ITK: variants seen among roughly 807,000 people sequenced by gnomAD.
The protein encoded by ITK is IL2 inducible T cell kinase.
In ITK, 45 loss-of-function variants were observed where a neutral mutation model predicts 87.6. That is an observed-to-expected ratio of 0.51 (90% CI 0.40 to 0.66). ITK has a LOEUF of 0.66. Among genes scored for constraint, ITK ranks in the 30% least tolerant of loss-of-function variants. The probability of loss-of-function intolerance (pLI) is 0.00; values close to 1 mark genes in which losing one functional copy is unlikely to be tolerated. For missense variants in ITK, 605 were observed against 766.3 expected, an observed-to-expected ratio of 0.79 and a Z score of 2.48; for synonymous variants, 303 against 273.6, an observed-to-expected ratio of 1.11 and a Z score of -1.06.
At chr5:157,232,230 G>C in intron 7 of ITK, 110 bp from the exon 8 acceptor site, 1 of 771,822 alleles carries the variant, frequency 1.3e-6, no homozygotes, top group South Asian at 1.6e-5. Flanking sequence ...TTTTTTTAAA[G>C]CACTGGTAGA....
chr5:157,232,752 G>A (rs1044144224), intron 8 of ITK, among the ~76,000 whole-genome samples: 2 of 152,212 alleles, frequency 1.3e-5, no homozygotes, highest in African/African-American at 4.8e-5. Flanking sequence ...GGAATTTACA[G>A]GACTAGCAAA....
At chr5:157,220,153 C>G (rs1284352051) in intron 5 of ITK, among the ~76,000 whole-genome samples, 4 of 152,172 alleles carry the variant, frequency 2.6e-5, no homozygotes, top group African/African-American at 9.7e-5. Flanking sequence ...GTCTCATGCT[C>G]TATGTGAGAA....
chr5:157,201,926 A>T (rs150882310), intron 1 of ITK, among the ~76,000 whole-genome samples: 2 of 152,122 alleles, frequency 1.3e-5, no homozygotes, highest in Non-Finnish European at 2.9e-5. Context: ...TGGTGTACAG[A>T]TTATTTCATC....
At chr5:157,250,272 A>G (rs1755115090) in intron 16 of ITK, among the ~76,000 whole-genome samples, 1 of 152,194 alleles carries the variant, frequency 6.6e-6, no homozygotes, top group Non-Finnish European at 1.5e-5. Flanking sequence ...CACTGTCTTC[A>G]TAGTTTTGCC....
chr5:157,224,936 T>C (rs1370352447), intron 6 of ITK, among the ~76,000 whole-genome samples: 1 of 152,164 alleles, frequency 6.6e-6, no homozygotes, highest in East Asian at 1.9e-4. Flanking sequence ...TGTATTCATG[T>C]ATCTTGGCCA....
chr5:157,225,252 C>A (rs1030767420), intron 6 of ITK, among the ~76,000 whole-genome samples: 7 of 152,122 alleles, frequency 4.6e-5, no homozygotes, highest in African/African-American at 1.7e-4. Context: ...GCTTTAGCCT[C>A]CCAAAGTAGT....
intron 5 of ITK, among the ~76,000 whole-genome samples, chr5:157,222,139 G>C (rs777837954): frequency 6.6e-6 from 1 of 152,166 alleles, no homozygotes; most frequent in African/African-American, 2.4e-5. Context: ...ACATTCTAGT[G>C]AGGAACTTAA....
At position 157,254,825 on chromosome 5, in the gene ITK, A is replaced by C. The variant is rs567203362; in HGVS notation, c.*2147A>C. On this transcript the variant is annotated 3_prime_UTR_variant, in exon 17 of 17. Transcript: ENST00000422843. ...GCATGGTATTACCTTTTTCAAGCTC[A>C]GATTCATCTAATCCTCAACTGTACA... 7 of 217,824 alleles carry C rather than the reference A, an allele frequency of 3.2e-5. No homozygotes were observed. The Admixed American group carries it at 3.5e-4, about 11-fold the overall frequency. The allele number at this position is 217,824 out of a possible 1,614,324, so 13.5% of individuals were successfully genotyped here.
At chr5:157,195,275 G>A (rs163429) in intron 1 of ITK, 83,866 of 151,980 alleles carry the variant, frequency 0.55, 24,006 homozygotes, top group African/African-American at 0.71. Context: ...TATTGTTCAC[G>A]TTGCTTTCCA....
At chr5:157,234,923 T>C (rs983593618) in intron 8 of ITK, among the ~76,000 whole-genome samples, 4 of 152,098 alleles carry the variant, frequency 2.6e-5, no homozygotes, top group Admixed American at 2.0e-4. Context: ...CCCCAGAACT[T>C]CAAGTATAAT....
intron 6 of ITK, among the ~76,000 whole-genome samples, chr5:157,227,485 C>A (rs1329083783): frequency 6.6e-6 from 1 of 152,040 alleles, no homozygotes; most frequent in East Asian, 1.9e-4. Flanking sequence ...ATTAGGGAGG[C>A]CTTAAATTAA....
chr5:157,233,939 A>ATG (rs1281951799), intron 8 of ITK, among the ~76,000 whole-genome samples: 2 of 10,878 alleles, frequency 1.8e-4, no homozygotes, highest in African/African-American at 3.4e-4. Context: ...ATACATATAT[A>ATG]TATATATATA....
intron 3 of ITK, among the ~76,000 whole-genome samples, chr5:157,211,929 C>G (rs550104283): frequency 7.2e-4 from 109 of 152,282 alleles, no homozygotes; most frequent in African/African-American, 2.6e-3. Flanking sequence ...TAGGTTGGCC[C>G]ATAGACAGCA....
At chr5:157,228,266 A>G in intron 6 of ITK, 30 bp from the exon 7 acceptor site, 1 of 1,352,050 alleles carries the variant, frequency 7.4e-7, no homozygotes, top group Non-Finnish European at 1.1e-6. Flanking sequence ...AGTTCTATGT[A>G]AGTCTAAACA....
intron 8 of ITK, among the ~76,000 whole-genome samples, chr5:157,233,327 G>GA (rs1754697114): frequency 6.6e-6 from 1 of 152,116 alleles, no homozygotes; most frequent in South Asian, 2.1e-4. Context: ...GACAAATGCA[G>GA]AAAAAAGAGC....
At chr5:157,206,716 G>T (rs1754085880) in intron 1 of ITK, among the ~76,000 whole-genome samples, 1 of 152,066 alleles carries the variant, frequency 6.6e-6, no homozygotes, top group Non-Finnish European at 1.5e-5. Context: ...ATTTCTGTGG[G>T]GTTAGTGGTA....
At chr5:157,184,985 T>A (rs1753612801) in intron 1 of ITK, among the ~76,000 whole-genome samples, 1 of 152,148 alleles carries the variant, frequency 6.6e-6, no homozygotes, top group African/African-American at 2.4e-5. Flanking sequence ...GGGTCTCCAC[T>A]CCTCATGGCC....
chr5:157,241,640 A>G lies in ITK; in HGVS notation c.986-6A>G. 3 of 1,612,924 alleles carry G rather than the reference A, an allele frequency of 1.9e-6. No homozygotes were observed. The highest frequency in any genetic ancestry group is 2.5e-6 in the Non-Finnish European group (3 of 1,179,034). On this transcript the variant is annotated splice_region_variant and splice_polypyrimidine_tract_variant and intron_variant, in intron 10 of 16. Transcript: ENST00000422843. ...CCACTGCTTCTTGGCTTTTCAATCA[A>G]CCCAGGCCTGGTGACTCGACTCCGG...
intron 1 of ITK, chr5:157,195,498 G>A (rs571845422): frequency 6.6e-6 from 1 of 152,078 alleles, no homozygotes; most frequent in East Asian, 1.9e-4. Context: ...TTCAGATAAT[G>A]GCCTTTCGCC....
Sources: gnomAD v4.1 joint callset for allele counts (sites outside exome capture counted in the v4.1 genomes callset) on GRCh38, gnomAD v4.1.1 for gene constraint, MANE v1.5 for transcripts, NCBI Gene and HGNC (gene_info 2026-07-23, HGNC 2026-07-21) for gene names.